The following CDH18 variants were observed in gnomAD, a reference collection of about 807,000 sequenced individuals.
CDH18 encodes cadherin-18.
CDH18 carries 31 observed loss-of-function variants against 67.9 expected under a neutral mutation model. The ratio of observed to expected loss-of-function variants is 0.46; its 90% CI spans 0.34 to 0.62. CDH18 has a LOEUF of 0.62. CDH18 is among the 20% of genes least tolerant of loss of function. CDH18 has a pLI of 0.01. For synonymous variants in CDH18, 362 were observed against 347.2 expected, an observed-to-expected ratio of 1.04 and a Z score of -0.48; for missense variants, 890 against 975.5, an observed-to-expected ratio of 0.91 and a Z score of 1.17.
At chr5:19,881,907 T>A (rs565960751) in intron 2 of CDH18, among the ~76,000 whole-genome samples, 1 of 152,280 alleles carries the variant, frequency 6.6e-6, no homozygotes, top group African/African-American at 2.4e-5. Context: ...TATAACCATG[T>A]TGAACTATCC....
At chr5:20,046,261 T>C (rs956934694) in intron 2 of CDH18, among the ~76,000 whole-genome samples, 1 of 152,028 alleles carries the variant, frequency 6.6e-6, no homozygotes, top group African/African-American at 2.4e-5. Flanking sequence ...TTCATGATAA[T>C]ACCACATATT....
intron 11 of CDH18, among the ~76,000 whole-genome samples, chr5:19,486,666 G>T (rs1224723948): frequency 6.6e-6 from 1 of 152,004 alleles, no homozygotes; most frequent in Non-Finnish European, 1.5e-5. Flanking sequence ...GGTGGCGGGC[G>T]CCTATAATCT....
chr5:19,951,668 GA>G (rs1795805162), intron 2 of CDH18, among the ~76,000 whole-genome samples: 1 of 152,086 alleles, frequency 6.6e-6, no homozygotes, highest in African/African-American at 2.4e-5. Context: ...GTGTTAAAAT[GA>G]TTGCGTTTTT....
intron 2 of CDH18, among the ~76,000 whole-genome samples, chr5:19,952,500 C>T (rs778306828): frequency 6.6e-6 from 1 of 152,146 alleles, no homozygotes; most frequent in African/African-American, 2.4e-5. Flanking sequence ...ATATATGATA[C>T]ACAAACACAC....
At chr5:19,867,261 T>TATGTGGGACCCTTTAGGAGGAACTAA (rs1785655857) in intron 2 of CDH18, among the ~76,000 whole-genome samples, 3 of 152,154 alleles carry the variant, frequency 2.0e-5, no homozygotes, top group African/African-American at 4.8e-5. Flanking sequence ...AAAAAAGCAT[T>TATGTGGGACCCTTTAGGAGGAACTAA]ATGTGGGACC....
At chr5:19,824,354 C>T (rs1035600913) in intron 3 of CDH18, among the ~76,000 whole-genome samples, 2 of 152,078 alleles carry the variant, frequency 1.3e-5, no homozygotes, top group Non-Finnish European at 2.9e-5. Context: ...ACCAGCCTGT[C>T]TGGGCTCACC....
chr5:19,489,395 C>G (rs900839527), intron 11 of CDH18, among the ~76,000 whole-genome samples: 15 of 151,630 alleles, frequency 9.9e-5, no homozygotes, highest in African/African-American at 2.7e-4. Flanking sequence ...CTACAGGCGC[C>G]CGCCACCACA....
At chr5:20,497,130 A>G (rs1753959488) in intron 1 of CDH18, among the ~76,000 whole-genome samples, 1 of 152,076 alleles carries the variant, frequency 6.6e-6, no homozygotes, top group Admixed American at 6.6e-5. Context: ...TTAATGTCAT[A>G]AAGGCCAATG....
At chr5:20,058,850 CA>C (rs1448298495) in intron 2 of CDH18, among the ~76,000 whole-genome samples, 1 of 152,152 alleles carries the variant, frequency 6.6e-6, no homozygotes, top group Non-Finnish European at 1.5e-5. Context: ...ATGACAGTTG[CA>C]GTTCTAATTA....
At chr5:20,324,163 G>T (rs1418377410) in intron 1 of CDH18, among the ~76,000 whole-genome samples, 1 of 152,326 alleles carries the variant, frequency 6.6e-6, no homozygotes, top group East Asian at 1.9e-4. Context: ...CACTGGATCA[G>T]TTCAAATCAG....
chr5:19,638,470 T>C (rs1220694848), intron 5 of CDH18, among the ~76,000 whole-genome samples: 2 of 152,226 alleles, frequency 1.3e-5, no homozygotes, highest in African/African-American at 2.4e-5. Context: ...TCATCCTATC[T>C]TCCATAAATA....
chr5:19,568,218 C>A (rs902619696), intron 8 of CDH18, among the ~76,000 whole-genome samples: 2 of 152,092 alleles, frequency 1.3e-5, no homozygotes, highest in African/African-American at 4.8e-5. Flanking sequence ...ACCCTACCTG[C>A]TACAAGCTGA....
At chr5:20,242,596 G>GA (rs376279568) in intron 2 of CDH18, among the ~76,000 whole-genome samples, 3,346 of 77,812 alleles carry the variant, frequency 0.043, 154 homozygotes, top group Admixed American at 0.098. Context: ...TTCATTGAGG[G>GA]AAAAAAAAAA....
intron 2 of CDH18, among the ~76,000 whole-genome samples, chr5:20,171,046 T>C (rs528942999): frequency 1.9e-5 from 2 of 107,432 alleles, no homozygotes; most frequent in South Asian, 2.9e-4. Context: ...CTCCTTTTTT[T>C]TTTATATATA....
At chr5:20,472,633 A>G (rs866645115) in intron 1 of CDH18, among the ~76,000 whole-genome samples, 4 of 152,242 alleles carry the variant, frequency 2.6e-5, no homozygotes, top group South Asian at 2.1e-4. Context: ...TATGTTTGGC[A>G]GTTATATACC....
At chr5:19,604,425 G>A (rs1747684959) in intron 6 of CDH18, among the ~76,000 whole-genome samples, 1 of 151,928 alleles carries the variant, frequency 6.6e-6, no homozygotes, top group African/African-American at 2.4e-5. Context: ...GACTTACAGA[G>A]TTTGCCTGTC....
chr5:20,208,726 T>G (rs1740112580), intron 2 of CDH18, among the ~76,000 whole-genome samples: 1 of 152,028 alleles, frequency 6.6e-6, no homozygotes, highest in Non-Finnish European at 1.5e-5. Flanking sequence ...CAAATGGGAT[T>G]ACATCATGGT....
At chr5:19,485,311 A>T (rs918876369) in intron 11 of CDH18, among the ~76,000 whole-genome samples, 5 of 149,436 alleles carry the variant, frequency 3.3e-5, no homozygotes, top group Non-Finnish European at 7.4e-5. Flanking sequence ...GCTGGAGTGC[A>T]GTGGCGCCAC....
intron 1 of CDH18, among the ~76,000 whole-genome samples, chr5:20,550,131 A>G (rs1379342273): frequency 6.6e-6 from 1 of 152,198 alleles, no homozygotes. Flanking sequence ...TGTCACGTTT[A>G]AAGATTGAAC....
Sources: allele counts gnomAD v4.1 joint callset (sites outside exome capture counted in the v4.1 genomes callset), GRCh38; gene constraint gnomAD v4.1.1; transcripts MANE v1.5; gene names NCBI Gene and HGNC (gene_info 2026-07-23, HGNC 2026-07-21).